The following TBC1D8 variants were observed in gnomAD, a reference collection of about 807,000 sequenced individuals.
TBC1D8 encodes the protein TBC1 domain family member 8, also known as BUB2-like protein 1.
In TBC1D8, 65 loss-of-function variants were observed where a neutral mutation model predicts 118.8. The ratio of observed to expected loss-of-function variants is 0.55; its 90% CI spans 0.45 to 0.67. The LOEUF is 0.67. TBC1D8 is among the 30% of genes least tolerant of loss of function. TBC1D8 has a pLI of 0.00. For synonymous variants in TBC1D8, 566 were observed against 595.8 expected (o/e 0.95, Z 0.73); for missense variants, 1,376 against 1,471.2 (o/e 0.94, Z 1.06).
chr2:101,018,786 AGTTT>A (rs1679841023), intron 17 of TBC1D8, among the ~76,000 whole-genome samples: 1 of 152,162 alleles, frequency 6.6e-6, no homozygotes, highest in Admixed American at 6.5e-5. Flanking sequence ...CTTTCTCAGC[AGTTT>A]GTTATGTTTC....
chr2:101,019,166 C>G lies in TBC1D8; in HGVS notation c.2827+2515G>C, dbSNP rs569354311. 1.1e-4 allele frequency: 148 copies of G among 1,329,002 alleles called. No homozygotes were observed. The African/African-American group carries it at 1.8e-3, about 16-fold the overall frequency. 82.3% of individuals were successfully genotyped at this position (1,329,002 alleles called of 1,614,324 possible). The stretch of plus-strand genomic sequence containing the variant: ...TCTCCCATATTACCCTGGCAGAGGG[C>G]CAGGCCTGTTCTACACGGCCGGGGT... On this transcript the variant is annotated intron_variant, in intron 17 of 19. Transcript: ENST00000409318.
intron 17 of TBC1D8, chr2:101,019,070 G>A: frequency 6.2e-7 from 1 of 1,600,650 alleles, no homozygotes; most frequent in Non-Finnish European, 8.5e-7. Context: ...ATGAGGCCTT[G>A]GGTCTCGGCT....
chr2:101,142,629 T>C (rs1416263363), intron 1 of TBC1D8, among the ~76,000 whole-genome samples: 2 of 152,216 alleles, frequency 1.3e-5, no homozygotes, highest in Non-Finnish European at 2.9e-5. Context: ...AAAAACATAA[T>C]GCAGGGGGTG....
At chr2:101,017,477 A>G (rs1400468298) in intron 17 of TBC1D8, among the ~76,000 whole-genome samples, 3 of 152,214 alleles carry the variant, frequency 2.0e-5, no homozygotes, top group Admixed American at 2.0e-4. Flanking sequence ...TGGTGTTTAC[A>G]ATGGCTAAGA....
intron 3 of TBC1D8, among the ~76,000 whole-genome samples, chr2:101,058,993 C>G (rs565110340): frequency 2.0e-5 from 3 of 152,076 alleles, no homozygotes; most frequent in African/African-American, 7.2e-5. Context: ...GCAAGCACCA[C>G]CTCCCGGGTT....
chr2:101,011,789 C>T (rs1679235761), intron 17 of TBC1D8, among the ~76,000 whole-genome samples: 1 of 152,320 alleles, frequency 6.6e-6, no homozygotes, highest in East Asian at 1.9e-4. Flanking sequence ...TAACAACATA[C>T]ACATTCATAG....
intron 17 of TBC1D8, among the ~76,000 whole-genome samples, chr2:101,020,905 C>T (rs1037249430): frequency 2.6e-5 from 4 of 152,234 alleles, no homozygotes; most frequent in Admixed American, 2.6e-4. Context: ...TTGAAAAAAT[C>T]GAGTGTATAT....
chr2:101,096,419 C>CAAAAAAA lies in TBC1D8; in HGVS notation c.128-6062_128-6056dup, dbSNP rs55824667. Among the ~76,000 whole-genome samples the CAAAAAAA allele has an allele frequency of 5.0e-4, 22 of 43,742 alleles. 2 individuals carry two copies. The highest frequency in any genetic ancestry group is 1.1e-3 in the South Asian group (1 of 900). 28.7% of individuals were successfully genotyped at this position (43,742 alleles called of 152,430 possible). A position where few individuals can be genotyped will look rare whatever the true frequency, so the allele number is the denominator to read the frequency against. The stretch of plus-strand genomic sequence containing the variant: ...CCAAAATATTATGTCTGGCTTTTGA[C>CAAAAAAA]AAAAAAAAAAAAAAAAAAAAAAAAA... On this transcript the variant is annotated intron_variant, in intron 1 of 19. Coordinates refer to ENST00000409318, the MANE Select transcript of TBC1D8 (RefSeq NM_001330348.2).
chr2:101,067,317 C>CT (rs1223894002), intron 2 of TBC1D8, among the ~76,000 whole-genome samples: 1 of 152,188 alleles, frequency 6.6e-6, no homozygotes, highest in South Asian at 2.1e-4. Context: ...AAAATGTTCT[C>CT]TCTTCAAGAG....
At chr2:101,041,393 G>A (rs1316336648) in intron 5 of TBC1D8, among the ~76,000 whole-genome samples, 5 of 152,186 alleles carry the variant, frequency 3.3e-5, no homozygotes, top group African/African-American at 1.2e-4. Context: ...CAACAGAGAT[G>A]AACCTTGAAA....
rs535500461 is a variant in TBC1D8, at chr2:101,101,505, T to C, written c.128-11141A>G. On this transcript the variant is annotated intron_variant, in intron 1 of 19. Transcript: ENST00000409318. ...ACAGTATGGCAATTCCTCAAGGATC[T>C]AGAATCAGAAATACCATTTGACCCA... Among the ~76,000 whole-genome samples the C allele has an allele frequency of 5.3e-5, 8 of 152,322 alleles. No homozygotes were observed. In the South Asian group the frequency reaches 6.2e-4, roughly 12 times the overall value.
chr2:101,075,344 T>A (rs183688989), intron 2 of TBC1D8, among the ~76,000 whole-genome samples: 1 of 149,620 alleles, frequency 6.7e-6, no homozygotes, highest in Non-Finnish European at 1.5e-5. Context: ...TGAGCCAAGA[T>A]TGCGCCACTG....
At chr2:101,016,180 A>G (rs1165610235) in intron 17 of TBC1D8, among the ~76,000 whole-genome samples, 1 of 152,250 alleles carries the variant, frequency 6.6e-6, no homozygotes, top group East Asian at 1.9e-4. Flanking sequence ...CTCATCTGAG[A>G]AAGGGCTAAT....
intron 2 of TBC1D8, among the ~76,000 whole-genome samples, chr2:101,087,834 C>A (rs1675741332): frequency 6.6e-6 from 1 of 152,090 alleles, no homozygotes; most frequent in African/African-American, 2.4e-5. Flanking sequence ...AATAAGAATG[C>A]TGGCACCCTT....
At chr2:101,046,687 GA>G (rs1281191705) in intron 5 of TBC1D8, among the ~76,000 whole-genome samples, 2 of 152,088 alleles carry the variant, frequency 1.3e-5, no homozygotes, top group African/African-American at 4.8e-5. Context: ...AGAGTGGGGG[GA>G]GGGGAGGAAA....
At chr2:101,129,570 C>G (rs1015581529) in intron 1 of TBC1D8, among the ~76,000 whole-genome samples, 4 of 152,206 alleles carry the variant, frequency 2.6e-5, no homozygotes, top group African/African-American at 9.7e-5. Flanking sequence ...TGGAAGAAGG[C>G]AGCCAGGAAC....
At chr2:101,026,990 C>T (rs1680375109) in intron 15 of TBC1D8, among the ~76,000 whole-genome samples, 1 of 152,134 alleles carries the variant, frequency 6.6e-6, no homozygotes, top group South Asian at 2.1e-4. Flanking sequence ...GGTGTGGGAT[C>T]ACAAGTAATT....
At chr2:101,147,282 C>A (rs1161372680) in intron 1 of TBC1D8, among the ~76,000 whole-genome samples, 4 of 152,190 alleles carry the variant, frequency 2.6e-5, no homozygotes, top group Non-Finnish European at 4.4e-5. Flanking sequence ...AATACAGGAA[C>A]GCAGGTATCT....
chr2:101,054,643 TCAAACAAACAATCATTTTCTTTTCTTTTC>T (rs1682285515), intron 3 of TBC1D8, among the ~76,000 whole-genome samples: 1 of 65,446 alleles, frequency 1.5e-5, no homozygotes, highest in Non-Finnish European at 3.5e-5. Context: ...AGCCCGGTTC[TCAAACAAACAATCATTTTCTTTTCTTTTC>T]TTTTTTTTTT....
Sources: allele counts gnomAD v4.1 joint callset (sites outside exome capture counted in the v4.1 genomes callset), GRCh38; gene constraint gnomAD v4.1.1; transcripts MANE v1.5; gene names NCBI Gene and HGNC (gene_info 2026-07-23, HGNC 2026-07-21).